RGS7: variants seen among roughly 807,000 people sequenced by gnomAD.
The protein encoded by RGS7 is regulator of G protein signaling 7, also known as regulator of G-protein signaling 7.
RGS7 carries 27 observed loss-of-function variants against 81.1 expected under a neutral mutation model. The ratio of observed to expected loss-of-function variants is 0.33; its 90% CI spans 0.25 to 0.46. The LOEUF is 0.46. Among genes scored for constraint, RGS7 ranks in the 20% least tolerant of loss-of-function variants. The pLI, the probability that RGS7 is intolerant of heterozygous loss-of-function variation, is 1.00. For synonymous variants in RGS7, 208 were observed against 207.7 expected (o/e 1.00, Z -0.01); for missense variants, 396 against 607.4 (o/e 0.65, Z 3.66).
chr1:240,779,425 G>A (rs1399876794), intron 18 of RGS7, among the ~76,000 whole-genome samples: 1 of 152,136 alleles, frequency 6.6e-6, no homozygotes, highest in African/African-American at 2.4e-5. Context: ...AAAGTGCTGG[G>A]ATAAGAGGCA....
At chr1:241,080,234 T>C (rs962742973) in intron 3 of RGS7, among the ~76,000 whole-genome samples, 1 of 152,028 alleles carries the variant, frequency 6.6e-6, no homozygotes, top group African/African-American at 2.4e-5. Flanking sequence ...AAACCTTTTA[T>C]CTTCCTGGAA....
rs543200925 is a variant in RGS7, at chr1:241,099,844, T to C, written c.79-1082A>G. On this transcript the variant is annotated intron_variant, in intron 2 of 18. Coordinates refer to ENST00000440928, the MANE Select transcript of RGS7 (RefSeq NM_001364886.1). ...TCCTACCCTCAAAAAATTCAGTCAA[T>C]AGTGACAACCAAGGTGAAATCTGAG... 2.0e-5 allele frequency among the ~76,000 whole-genome samples: 3 copies of C among 152,296 alleles called. No homozygotes were observed. The East Asian group carries it at 5.8e-4, about 29-fold the overall frequency.
At chr1:241,010,663 C>G (rs149322347) in intron 3 of RGS7, among the ~76,000 whole-genome samples, 40 of 152,346 alleles carry the variant, frequency 2.6e-4, no homozygotes, top group African/African-American at 9.1e-4. Flanking sequence ...AATGCAGCTA[C>G]ACATTAGTTA....
chr1:241,286,417 G>A (rs1297693653), intron 2 of RGS7, among the ~76,000 whole-genome samples: 3 of 152,038 alleles, frequency 2.0e-5, no homozygotes, highest in Non-Finnish European at 4.4e-5. Context: ...ACACATACAC[G>A]CCACTTCCGT....
intron 2 of RGS7, among the ~76,000 whole-genome samples, chr1:241,285,114 C>A (rs769898769): frequency 2.2e-4 from 34 of 152,152 alleles, no homozygotes; most frequent in Admixed American, 1.4e-3. Context: ...TCGTGATCCA[C>A]CCGCCTCAGC....
intron 2 of RGS7, among the ~76,000 whole-genome samples, chr1:241,242,430 A>G (rs965879336): frequency 1.3e-5 from 2 of 152,226 alleles, no homozygotes; most frequent in African/African-American, 4.8e-5. Flanking sequence ...CTGTGCTGCT[A>G]TAAACATGTG....
chr1:241,272,232 A>G (rs1228826400), intron 2 of RGS7, among the ~76,000 whole-genome samples: 1 of 151,950 alleles, frequency 6.6e-6, no homozygotes, highest in Non-Finnish European at 1.5e-5. Flanking sequence ...TGACCTCGTG[A>G]TCCACCCACC....
chr1:241,043,245 T>C (rs1040194034), intron 3 of RGS7, among the ~76,000 whole-genome samples: 1 of 152,034 alleles, frequency 6.6e-6, no homozygotes, highest in East Asian at 1.9e-4. Context: ...TCTTTTTATA[T>C]GAGCTATAAC....
intron 2 of RGS7, among the ~76,000 whole-genome samples, chr1:241,213,056 C>T (rs929351639): frequency 3.3e-5 from 5 of 152,168 alleles, no homozygotes; most frequent in Admixed American, 3.3e-4. Flanking sequence ...CTGAGAATAA[C>T]CTTCAGACAA....
chr1:240,778,884 T>C (rs1056778434), intron 18 of RGS7, among the ~76,000 whole-genome samples: 7 of 152,138 alleles, frequency 4.6e-5, no homozygotes, highest in African/African-American at 1.7e-4. Flanking sequence ...TTATTCACTT[T>C]ATGGGAGAAA....
intron 3 of RGS7, among the ~76,000 whole-genome samples, chr1:241,031,275 G>A (rs73123777): frequency 0.02 from 3,018 of 152,232 alleles, 92 homozygotes; most frequent in African/African-American, 0.067. Context: ...AGTTCCATCT[G>A]TGCTGCTGTA....
At position 240,870,122 on chromosome 1, in the gene RGS7, GA is replaced by G. The variant is rs758453111; in HGVS notation, c.386-4del. Reference sequence around the variant, plus strand: ...TGTTCTCTTGCAGAGGTAAACGGCTGAAAAAAAAATCAATCATTTCTTGCCT... The same window carrying G: ...TGTTCTCTTGCAGAGGTAAACGGCTGAAAAAAAATCAATCATTTCTTGCCT... On this transcript the variant is annotated splice_region_variant and splice_polypyrimidine_tract_variant and intron_variant, in intron 6 of 18. Transcript: ENST00000440928. 5.2e-5 allele frequency: 84 copies of G among 1,604,266 alleles called. No homozygotes were observed. The highest frequency in any genetic ancestry group is 1.7e-4 in the Middle Eastern group (1 of 6,052).
intron 3 of RGS7, among the ~76,000 whole-genome samples, chr1:240,993,295 GA>G (rs1010048619): frequency 1.3e-5 from 2 of 152,036 alleles, no homozygotes; most frequent in Admixed American, 6.6e-5. Flanking sequence ...GAGAGAGAAA[GA>G]AAGAGCCAAA....
chr1:240,923,217 A>G (rs1198591413), intron 6 of RGS7, among the ~76,000 whole-genome samples: 2 of 152,098 alleles, frequency 1.3e-5, no homozygotes, highest in Non-Finnish European at 2.9e-5. Flanking sequence ...CAGAACACAG[A>G]GAATCTTTAG....
chr1:241,190,060 GC>G, intron 2 of RGS7, among the ~76,000 whole-genome samples: 1 of 151,938 alleles, frequency 6.6e-6, no homozygotes, highest in East Asian at 1.9e-4. Context: ...CCGAGATGGC[GC>G]CACTGCACTC....
chr1:240,967,891 T>C (rs1439503231), intron 4 of RGS7, among the ~76,000 whole-genome samples: 1 of 152,200 alleles, frequency 6.6e-6, no homozygotes, highest in African/African-American at 2.4e-5. Flanking sequence ...TTATTGCTTT[T>C]AAAGAATCCA....
intron 2 of RGS7, among the ~76,000 whole-genome samples, chr1:241,329,607 G>A (rs1328616430): frequency 2.6e-5 from 4 of 152,224 alleles, no homozygotes; most frequent in Middle Eastern, 3.4e-3. Flanking sequence ...AATACCATAC[G>A]TTCCCTTTAA....
intron 2 of RGS7, among the ~76,000 whole-genome samples, chr1:241,177,222 T>G (rs1390708022): frequency 6.6e-6 from 1 of 152,184 alleles, no homozygotes; most frequent in East Asian, 1.9e-4. Context: ...CCACAGAGCT[T>G]GCCAAGGAAG....
chr1:241,330,543 G>A (rs1032877826), intron 2 of RGS7, among the ~76,000 whole-genome samples: 1 of 152,200 alleles, frequency 6.6e-6, no homozygotes. Flanking sequence ...TGACCTGAAA[G>A]TGTAACGGGG....
Sources: allele counts gnomAD v4.1 joint callset (sites outside exome capture counted in the v4.1 genomes callset), GRCh38; gene constraint gnomAD v4.1.1; transcripts MANE v1.5; gene names NCBI Gene and HGNC (gene_info 2026-07-23, HGNC 2026-07-21).